The following NFATC2 variants were observed in gnomAD, a reference collection of about 807,000 sequenced individuals.
NFATC2 encodes nuclear factor of activated T-cells, cytoplasmic 2.
NFATC2 carries 22 observed loss-of-function variants against 87.3 expected under a neutral mutation model. The ratio of observed to expected loss-of-function variants is 0.25; its 90% CI spans 0.18 to 0.36. The LOEUF is 0.36. Among genes scored for constraint, NFATC2 ranks in the 10% least tolerant of loss-of-function variants. The pLI, the probability that NFATC2 is intolerant of heterozygous loss-of-function variation, is 1.00. For synonymous variants in NFATC2, 565 were observed against 542.2 expected (o/e 1.04, Z -0.58); for missense variants, 1,149 against 1,259.1 (o/e 0.91, Z 1.32).
intron 10 of NFATC2, among the ~76,000 whole-genome samples, chr20:51,397,294 A>G (rs997231487): frequency 2.0e-5 from 3 of 152,210 alleles, no homozygotes; most frequent in African/African-American, 4.8e-5. Flanking sequence ...CATCTTCTCC[A>G]GGGAAACCTG....
At chr20:51,458,574 G>A (rs975749537) in intron 5 of NFATC2, among the ~76,000 whole-genome samples, 2 of 151,608 alleles carry the variant, frequency 1.3e-5, no homozygotes, top group Non-Finnish European at 2.9e-5. Flanking sequence ...TGAGGCAGGC[G>A]GATCACAAGG....
chr20:51,555,478 AGCTACTTG>A (rs2076970221), intron 1 of NFATC2, among the ~76,000 whole-genome samples: 2 of 152,056 alleles, frequency 1.3e-5, no homozygotes, highest in Non-Finnish European at 2.9e-5. Flanking sequence ...CTGTAGTCCC[AGCTACTTG>A]GGAGGCTGAA....
At chr20:51,500,483 TTAAG>T (rs755838462) in intron 3 of NFATC2, among the ~76,000 whole-genome samples, 4 of 151,740 alleles carry the variant, frequency 2.6e-5, no homozygotes, top group Non-Finnish European at 5.9e-5. Context: ...AGTCATAGAA[TTAAG>T]TAAGTTTAGA....
rs1011294327 is a variant in NFATC2 at position 51,480,287 on chromosome 20, C to G, written c.1333-4627G>C. On this transcript the variant is annotated intron_variant, in intron 3 of 10. Coordinates refer to ENST00000371564, the MANE Select transcript of NFATC2 (RefSeq NM_012340.5). The surrounding 1 kb of genome is among the most constrained non-coding windows in gnomAD (Gnocchi z 4.2). ...TGGGTCACAAAGCAAGACTCTGTCT[C>G]AAAAAAAATAGAATGTGCTTCCTGC... Among the ~76,000 whole-genome samples, 7 of 98,546 alleles carry G rather than the reference C, an allele frequency of 7.1e-5. No individual in the cohort carries two copies. Among genetic ancestry groups the G allele is most frequent in the Admixed American group, 5.2e-4 (6 of 11,458 alleles). The allele number at this position is 98,546 out of a possible 152,430, so 64.7% of individuals were successfully genotyped here.
chr20:51,424,836 C>A (rs1981523697), intron 9 of NFATC2, among the ~76,000 whole-genome samples: 1 of 149,636 alleles, frequency 6.7e-6, no homozygotes, highest in Non-Finnish European at 1.5e-5. Flanking sequence ...TTTGCATATG[C>A]TCGGGATTAC....
chr20:51,392,907 T>G (rs1003499238), intron 10 of NFATC2, among the ~76,000 whole-genome samples: 1 of 152,212 alleles, frequency 6.6e-6, no homozygotes, highest in Admixed American at 6.5e-5. Context: ...CGGGTTTGAT[T>G]CTCAGCTCGT....
chr20:51,506,919 C>T (rs2076192826), intron 3 of NFATC2, among the ~76,000 whole-genome samples: 2 of 152,218 alleles, frequency 1.3e-5, no homozygotes, highest in Non-Finnish European at 2.9e-5. Flanking sequence ...AAGGGCAGAA[C>T]CTGAATGCCT....
intron 6 of NFATC2, among the ~76,000 whole-genome samples, chr20:51,444,293 C>T (rs974586867): frequency 2.0e-5 from 3 of 151,864 alleles, no homozygotes; most frequent in African/African-American, 7.3e-5. Context: ...ACATTATAGC[C>T]TCTGCTTTAT....
At position 51,398,209 on chromosome 20, in the gene NFATC2, G is replaced by A. The variant is rs146052556; in HGVS notation, c.*44+434C>T. On this transcript the variant is annotated intron_variant, in intron 10 of 10. Transcript: ENST00000371564. ...TTGGAAATGACCTAAGCACAGGGCGGGGCTTCCTCAGTGGCTTCTTAGGTA... is the reference window on the plus strand; with the variant it reads ...TTGGAAATGACCTAAGCACAGGGCGAGGCTTCCTCAGTGGCTTCTTAGGTA... Among the ~76,000 whole-genome samples the A allele has an allele frequency of 4.1e-3, 617 of 152,272 alleles. 1 individual carries two copies. Among genetic ancestry groups the A allele is most frequent in the Middle Eastern group, 0.01 (3 of 294 alleles).
intron 9 of NFATC2, 40 bp from the exon 10 acceptor site, chr20:51,398,770 A>G: frequency 7.2e-7 from 1 of 1,390,618 alleles, no homozygotes; most frequent in Non-Finnish European, 1.0e-6. Flanking sequence ...GAAGAAAAAA[A>G]AAAATCACCT....
rs145327846 is a variant in NFATC2 at position 51,475,554 on chromosome 20, G to A, written c.1439C>T (p.Thr480Met). 2.8e-5 allele frequency: 45 copies of A among 1,614,092 alleles called. 1 individual carries two copies. The Middle Eastern group carries it at 4.9e-4, about 18-fold the overall frequency. ...PHAFYQVHRI[T>M]GKTVTTTSYE... ...GCTGGTGGTGGTGACAGTTTTCCCC[G>A]TGATTCGGTGCACCTGGTAGAAGGC... Residue 480 changes from threonine to methionine, a missense_variant, in exon 4 of 11, where the codon ACG becomes ATG. Thr to Met is a moderately conservative substitution (Grantham distance 81). Transcript: ENST00000371564.
rs768348142 is a variant in NFATC2, at chr20:51,523,686, G to A, written c.555C>T (p.Pro185=). ...SASFISDTFS[P]YTSPCVSPNN... ...TGGGCGAGACGCAGGGCGAGGTGTA[G>A]GGGGAGAAGGTGTCAGAAATGAAGC... is the stretch of plus-strand genomic sequence containing the variant. The change falls in exon 2 of 11, where the codon CCC becomes CCT. Residue 185 remains proline, a synonymous_variant. Coordinates refer to ENST00000371564, the MANE Select transcript of NFATC2 (RefSeq NM_012340.5). This position sits in a 1 kb window ranked among gnomAD's most constrained non-coding sequence, Gnocchi z 6.9. 1.2e-6 allele frequency: 2 copies of A among 1,613,152 alleles called. No individual in the cohort carries two copies. The highest frequency in any genetic ancestry group is 1.7e-5 in the Admixed American group (1 of 59,772).
At chr20:51,493,344 CTTG>C (rs1454309334) in intron 3 of NFATC2, among the ~76,000 whole-genome samples, 3 of 152,198 alleles carry the variant, frequency 2.0e-5, no homozygotes, top group Admixed American at 6.5e-5. Context: ...TGGCCTTCAT[CTTG>C]TTGTAATTCT....
intron 5 of NFATC2, among the ~76,000 whole-genome samples, chr20:51,457,795 G>A (rs187666694): frequency 4.0e-5 from 6 of 151,738 alleles, no homozygotes; most frequent in East Asian, 1.9e-4. Context: ...TGATTCTTGC[G>A]CACTATCAAG....
intron 3 of NFATC2, among the ~76,000 whole-genome samples, chr20:51,477,568 T>A (rs1256343576): frequency 1.2e-4 from 11 of 92,542 alleles, no homozygotes; most frequent in African/African-American, 4.1e-4. Context: ...TATATATATA[T>A]ATATATATAT....
At chr20:51,394,567 T>A (rs1188732417) in intron 10 of NFATC2, among the ~76,000 whole-genome samples, 1 of 148,008 alleles carries the variant, frequency 6.8e-6, no homozygotes, top group Non-Finnish European at 1.5e-5. Flanking sequence ...GTCTCCTCAC[T>A]ATCCCCTGCT....
intron 5 of NFATC2, among the ~76,000 whole-genome samples, chr20:51,465,543 T>C (rs1987599332): frequency 1.3e-5 from 2 of 152,210 alleles, no homozygotes; most frequent in South Asian, 2.1e-4. Context: ...CCTGGGTACC[T>C]TTCTCCTCCC....
chr20:51,488,324 A>C (rs2075819256), intron 3 of NFATC2, among the ~76,000 whole-genome samples: 1 of 152,190 alleles, frequency 6.6e-6, no homozygotes, highest in Non-Finnish European at 1.5e-5. Flanking sequence ...TGGAGTAAGA[A>C]ACCAGTAAAT....
At chr20:51,487,227 C>A (rs1361739924) in intron 3 of NFATC2, among the ~76,000 whole-genome samples, 1 of 152,240 alleles carries the variant, frequency 6.6e-6, no homozygotes, top group Non-Finnish European at 1.5e-5. Flanking sequence ...CTTGCAGAAA[C>A]TCCGTGCAAG....
Sources: allele counts gnomAD v4.1 joint callset (sites outside exome capture counted in the v4.1 genomes callset), GRCh38; gene constraint gnomAD v4.1.1; non-coding constraint Gnocchi (gnomAD v3.1); transcripts MANE v1.5; gene names NCBI Gene and HGNC (gene_info 2026-07-23, HGNC 2026-07-21).